The following RANBP2 variants were observed in gnomAD, a reference collection of about 807,000 sequenced individuals.
RANBP2 encodes the protein RAN binding protein 2.
In RANBP2, 57 loss-of-function variants were observed where a neutral mutation model predicts 303.6. That is an observed-to-expected ratio of 0.19 (90% confidence interval 0.15 to 0.23). The LOEUF (loss-of-function observed/expected upper bound fraction) is 0.23, where lower values mean the gene tolerates loss of function less well. Among genes scored for constraint, RANBP2 ranks in the 10% least tolerant of loss-of-function variants. The probability of loss-of-function intolerance (pLI) is 1.00; values close to 1 mark genes in which losing one functional copy is unlikely to be tolerated. For missense variants in RANBP2, 3,138 were observed against 3,780.8 expected, an observed-to-expected ratio of 0.83 and a Z score of 4.46; for synonymous variants, 1,167 against 1,301.5, an observed-to-expected ratio of 0.90 and a Z score of 2.23.
chr2:109,439,930 G>A, the RANBP2 span, among the ~76,000 whole-genome samples: 5 of 152,138 alleles, frequency 3.3e-5, no homozygotes, highest in South Asian at 2.1e-4. Context: ...AATTCATTCC[G>A]ACTGGGGAGG....
the RANBP2 span, among the ~76,000 whole-genome samples, chr2:109,600,667 G>C: frequency 2.3e-4 from 35 of 152,092 alleles, no homozygotes; most frequent in Non-Finnish European, 4.6e-4. Context: ...GACACTAGCT[G>C]GGTGCCCTCT....
chr2:109,716,488 G>A, the RANBP2 span, among the ~76,000 whole-genome samples: 1 of 151,940 alleles, frequency 6.6e-6, no homozygotes, highest in Non-Finnish European at 1.5e-5. Context: ...CTGACCTCGT[G>A]ATCCACCCGC....
chr2:109,630,408 C>T, the RANBP2 span, among the ~76,000 whole-genome samples: 68 of 152,270 alleles, frequency 4.5e-4, no homozygotes, highest in African/African-American at 1.6e-3. Context: ...TCCAGGCAAC[C>T]AGGGACCATC....
the RANBP2 span, among the ~76,000 whole-genome samples, chr2:108,809,094 G>A: frequency 6.6e-6 from 1 of 152,076 alleles, no homozygotes; most frequent in African/African-American, 2.4e-5. Flanking sequence ...TATTAATGTT[G>A]TTGGCACCTT....
At chr2:109,612,770 T>C in the RANBP2 span, among the ~76,000 whole-genome samples, 2 of 152,054 alleles carry the variant, frequency 1.3e-5, no homozygotes, top group East Asian at 1.9e-4. Context: ...GACAGAAAAT[T>C]TGAGATTTTT....
At chr2:109,710,442 AT>A in the RANBP2 span, among the ~76,000 whole-genome samples, 2 of 151,918 alleles carry the variant, frequency 1.3e-5, no homozygotes, top group African/African-American at 4.8e-5. Flanking sequence ...CCCATTGCCT[AT>A]TTCTAACATG....
chr2:108,789,083 T>C (rs190670190), downstream of RANBP2: 274 of 930,058 alleles, frequency 2.9e-4, no homozygotes, highest in African/African-American at 2.3e-3. Context: ...AGGACAAGTA[T>C]AAGGCAGTCT....
chr2:109,032,472 G>A, the RANBP2 span, among the ~76,000 whole-genome samples: 1 of 152,138 alleles, frequency 6.6e-6, no homozygotes, highest in South Asian at 2.1e-4. Context: ...GGGTGACATC[G>A]GTCGAATGTG....
At chr2:109,304,596 A>G in the RANBP2 span, among the ~76,000 whole-genome samples, 1 of 152,164 alleles carries the variant, frequency 6.6e-6, no homozygotes, top group Non-Finnish European at 1.5e-5. Flanking sequence ...CTCACCCTCT[A>G]TCTTTAAGTT....
chr2:109,049,349 C>T, the RANBP2 span, among the ~76,000 whole-genome samples: 1 of 152,222 alleles, frequency 6.6e-6, no homozygotes, highest in Non-Finnish European at 1.5e-5. Context: ...CACTATTTTG[C>T]TAAACATGCC....
chr2:109,702,319 A>T, the RANBP2 span, among the ~76,000 whole-genome samples: 1 of 152,216 alleles, frequency 6.6e-6, no homozygotes, highest in Non-Finnish European at 1.5e-5. Flanking sequence ...GATCAGAAAG[A>T]GGAGATGAAG....
the RANBP2 span, among the ~76,000 whole-genome samples, chr2:109,376,168 C>T: frequency 1.3e-5 from 2 of 152,250 alleles, no homozygotes; most frequent in African/African-American, 4.8e-5. Flanking sequence ...GATTGAAGAT[C>T]ACTGTGTCAT....
the RANBP2 span, among the ~76,000 whole-genome samples, chr2:109,434,054 C>T: frequency 6.6e-6 from 1 of 152,228 alleles, no homozygotes; most frequent in Non-Finnish European, 1.5e-5. Flanking sequence ...TTGGCTCTCT[C>T]AGCCTGCAAC....
At chr2:109,468,855 GAA>G in the RANBP2 span, among the ~76,000 whole-genome samples, 120 of 64,840 alleles carry the variant, frequency 1.9e-3, 1 homozygote, top group African/African-American at 6.2e-3. Flanking sequence ...CTCTGTCTCA[GAA>G]AAAAAAAAAA....
chr2:109,223,372 G>A, the RANBP2 span, among the ~76,000 whole-genome samples: 1 of 152,202 alleles, frequency 6.6e-6, no homozygotes. Flanking sequence ...CGAAGAAGCA[G>A]GAGTGGCCAC....
the RANBP2 span, among the ~76,000 whole-genome samples, chr2:108,817,915 C>T: frequency 6.6e-6 from 1 of 152,190 alleles, no homozygotes; most frequent in African/African-American, 2.4e-5. Context: ...TTAGTACCTA[C>T]ATCAATTATT....
At chr2:109,326,767 A>G in the RANBP2 span, among the ~76,000 whole-genome samples, 1 of 152,246 alleles carries the variant, frequency 6.6e-6, no homozygotes, top group South Asian at 2.1e-4. Context: ...TTCTGGATAC[A>G]GTAACTGTTT....
the RANBP2 span, among the ~76,000 whole-genome samples, chr2:108,963,527 C>T: frequency 0.01 from 1,539 of 152,262 alleles, 26 homozygotes; most frequent in Middle Eastern, 0.024. Context: ...CCAATGGTTT[C>T]GTCTGGTAAA....
Position 108,781,162 on chromosome 2 carries a change from A to T in RANBP2, c.8600-107A>T, listed in dbSNP as rs143662140. On this transcript the variant is annotated intron_variant, in intron 25 of 28. Transcript: ENST00000283195. Reference sequence around the variant, plus strand: ...ATATAATTTTAAACATTTAAAATTGATGTACATATTACATCATCAGGAATT... The same window carrying T: ...ATATAATTTTAAACATTTAAAATTGTTGTACATATTACATCATCAGGAATT... The T allele has an allele frequency of 4.2e-4, 463 of 1,104,398 alleles. 3 individuals are homozygous for T. The African/African-American group carries it at 6.8e-3, about 16-fold the overall frequency. 68.4% of individuals were successfully genotyped at this position (1,104,398 alleles called of 1,614,324 possible).
Sources: allele counts gnomAD v4.1 joint callset (sites outside exome capture counted in the v4.1 genomes callset), GRCh38; gene constraint gnomAD v4.1.1; transcripts MANE v1.5; gene names NCBI Gene and HGNC (gene_info 2026-07-23, HGNC 2026-07-21).